The following MYH7B variants were observed in gnomAD, a reference collection of about 807,000 sequenced individuals.
MYH7B encodes the protein myosin heavy chain 7B.
MYH7B carries 205 observed loss-of-function variants against 234.5 expected under a neutral mutation model. The ratio of observed to expected loss-of-function variants is 0.87; its 90% confidence interval spans 0.78 to 0.98. The LOEUF (loss-of-function observed/expected upper bound fraction) is 0.98, where lower values mean the gene tolerates loss of function less well. Ranked by LOEUF, MYH7B falls within the 50% of genes least tolerant of loss-of-function variation. The pLI, the probability that MYH7B is intolerant of heterozygous loss-of-function variation, is 0.00. For missense variants in MYH7B, 2,652 were observed against 2,633.4 expected (o/e 1.01, Z -0.15); for synonymous variants, 1,193 against 1,105.0 (o/e 1.08, Z -1.58).
intron 2 of MYH7B, among the ~76,000 whole-genome samples, chr20:34,972,474 C>A (rs2081802210): frequency 1.3e-5 from 2 of 152,128 alleles, no homozygotes; most frequent in Non-Finnish European, 2.9e-5. Flanking sequence ...CATTACCCTC[C>A]AGGCCATACT....
chr20:34,978,145 T>C lies in MYH7B; in HGVS notation c.91+49T>C, dbSNP rs776419245. On this transcript the variant is annotated intron_variant, in intron 5 of 44. Coordinates refer to ENST00000262873, the Ensembl canonical transcript of MYH7B. Reference sequence around the variant, plus strand: ...GGTCATAGCCACAGAGATGCCCTTATGGACTCAGACCAGGAATTGGGAGGG... The same window carrying C: ...GGTCATAGCCACAGAGATGCCCTTACGGACTCAGACCAGGAATTGGGAGGG... 3.1e-6 allele frequency: 5 copies of C among 1,607,508 alleles called. No homozygotes were observed. In the Admixed American group the frequency reaches 6.7e-5, roughly 21 times the overall value.
At chr20:35,001,008 G>T (rs779594043) in exon 41 of MYH7B, 3 of 1,613,880 alleles carry the variant, frequency 1.9e-6, no homozygotes, top group Non-Finnish European at 2.5e-6. Flanking sequence ...TGGCCGAGGA[G>T]CTGAAGAAGG....
At chr20:34,972,472 T>G (rs2081802195) in intron 2 of MYH7B, among the ~76,000 whole-genome samples, 1 of 152,020 alleles carries the variant, frequency 6.6e-6, no homozygotes, top group African/African-American at 2.4e-5. Flanking sequence ...CCCATTACCC[T>G]CCAGGCCATA....
chr20:34,960,313 G>A (rs547719904), intron 2 of MYH7B, among the ~76,000 whole-genome samples: 28 of 152,130 alleles, frequency 1.8e-4, no homozygotes, highest in Non-Finnish European at 1.2e-4. Context: ...TTGGCTCACT[G>A]CAAGCTCCGC....
chr20:34,995,551 G>A (rs1172053249), exon 28 of MYH7B: 16 of 1,614,060 alleles, frequency 9.9e-6, no homozygotes, highest in Non-Finnish European at 1.4e-5. Context: ...CCAAAGCTGA[G>A]AAGGAGAAGC....
exon 18 of MYH7B, chr20:34,987,859 T>A: frequency 6.2e-7 from 1 of 1,612,710 alleles, no homozygotes; most frequent in Non-Finnish European, 8.5e-7. Context: ...GACACAAAGC[T>A]GCCCCGGCAG....
chr20:35,001,676 G>C, intron 43 of MYH7B, 150 bp downstream of exon 43: 1 of 810,150 alleles, frequency 1.2e-6, no homozygotes, highest in East Asian at 2.7e-5. Flanking sequence ...GGGGAGATCA[G>C]ACCTAGCTCC....
At chr20:34,987,284 G>C in exon 16 of MYH7B, 3 of 1,610,366 alleles carry the variant, frequency 1.9e-6, no homozygotes, top group Non-Finnish European at 2.5e-6. Flanking sequence ...CGATGGCACT[G>C]AGAGTGAGGG....
intron 2 of MYH7B, 42 bp from the exon 3 acceptor site, chr20:34,975,358 C>T: frequency 1.8e-6 from 1 of 568,392 alleles, no homozygotes; most frequent in Middle Eastern, 4.5e-4. Flanking sequence ...GTGCATGCCA[C>T]CATGCCTGGC....
At chr20:34,985,177 G>T in intron 13 of MYH7B, 48 bp downstream of exon 13, 1 of 1,573,704 alleles carries the variant, frequency 6.4e-7, no homozygotes, top group Non-Finnish European at 8.7e-7. Flanking sequence ...GCCTGAGCCC[G>T]GTCACCCCAA....
chr20:34,980,964 C>T, intron 8 of MYH7B, 69 bp from the exon 9 acceptor site: 1 of 1,605,300 alleles, frequency 6.2e-7, no homozygotes, highest in Non-Finnish European at 8.5e-7. Context: ...AGATGGATAC[C>T]CAGGGTGTTC....
At position 34,978,944 on chromosome 20, in the gene MYH7B, G is replaced by A. The variant is rs2081898375; in HGVS notation, c.92-446G>A. ...TGGGGACAGCTGGCCAGGCAGGAGA[G>A]CACAGGTTACAGTTAGGAGGCCTGG... On this transcript the variant is annotated intron_variant, in intron 5 of 44. Coordinates refer to ENST00000262873, the Ensembl canonical transcript of MYH7B. 4.6e-5 allele frequency among the ~76,000 whole-genome samples: 7 copies of A among 152,120 alleles called. No homozygotes were observed. In the South Asian group the frequency reaches 1.5e-3, roughly 32 times the overall value.
At position 34,999,656 on chromosome 20, in the gene MYH7B, C is replaced by T. The variant is rs76211559; in HGVS notation, c.4626C>T (p.Gly1542=). Residue 1542 remains glycine, a synonymous_variant, in exon 37 of 45, where the codon GGC becomes GGT. Coordinates refer to ENST00000262873, the Ensembl canonical transcript of MYH7B. Reference sequence around the variant, plus strand: ...AGAAAACCAAGAAGGCGCTGGAAGGCGAGAAGAGTGAGATCCAGGCTGCAC... The same window carrying T: ...AGAAAACCAAGAAGGCGCTGGAAGGTGAGAAGAGTGAGATCCAGGCTGCAC... 2,005 of 1,613,342 alleles carry T rather than the reference C, an allele frequency of 1.2e-3. 27 individuals carry two copies. In the African/African-American group the frequency reaches 0.024, roughly 19 times the overall value.
chr20:34,995,894 T>A (rs2082247225), intron 28 of MYH7B, among the ~76,000 whole-genome samples: 1 of 152,254 alleles, frequency 6.6e-6, no homozygotes, highest in Admixed American at 6.5e-5. Context: ...AGGAACTCCA[T>A]GTCCCCAGCT....
exon 45 of MYH7B, chr20:35,002,280 C>T: frequency 2.8e-6 from 4 of 1,419,988 alleles, no homozygotes; most frequent in Non-Finnish European, 3.8e-6. Flanking sequence ...CTGCATCGCC[C>T]CCTGCTGCCT....
chr20:34,979,038 G>A (rs2081899837), intron 5 of MYH7B, among the ~76,000 whole-genome samples: 1 of 152,154 alleles, frequency 6.6e-6, no homozygotes, highest in Non-Finnish European at 1.5e-5. Flanking sequence ...ATATTGAGGG[G>A]CTGCTCTGTA....
rs898300134 is a variant in MYH7B, at chr20:34,995,598, T to C, written c.2943+20T>C. 1 of 1,612,464 alleles carries C rather than the reference T, an allele frequency of 6.2e-7. No homozygotes were observed. On this transcript the variant is annotated intron_variant, in intron 28 of 44. Transcript: ENST00000262873. ...AACAAGGTGTGGGCCGGGCCAGCTG[T>C]GGGGAAGGGCCCTGAGCCAGGGGCC... is the stretch of plus-strand genomic sequence containing the variant.
intron 24 of MYH7B, among the ~76,000 whole-genome samples, chr20:34,991,827 C>T (rs766450634): frequency 1.3e-5 from 2 of 152,222 alleles, no homozygotes; most frequent in Non-Finnish European, 2.9e-5. Context: ...CACGCACACA[C>T]ACGCATGGTG....
rs769023082 is a variant in MYH7B at position 34,986,115 on chromosome 20, C to G, written c.821C>G (p.Ser274Trp). The G allele has an allele frequency of 2.5e-6, 4 of 1,586,632 alleles. No homozygotes were observed. In the African/African-American group the frequency reaches 4.0e-5, roughly 16 times the overall value. Reference sequence around the variant, plus strand: ...TTCTCCCCAGATCTCCTGGAGAAGTCGCGGGTGATCTTCCAGTTGCCTGGT... The same window carrying G: ...TTCTCCCCAGATCTCCTGGAGAAGTGGCGGGTGATCTTCCAGTTGCCTGGT... The change falls in exon 14 of 45, where the codon TCG (serine) becomes TGG (tryptophan). Residue 274 changes from serine (S) to tryptophan (W), a missense_variant. Transcript: ENST00000262873.
Sources: gnomAD v4.1 joint callset for allele counts (sites outside exome capture counted in the v4.1 genomes callset) on GRCh38, gnomAD v4.1.1 for gene constraint, MANE v1.5 for transcripts, NCBI Gene and HGNC (gene_info 2026-07-23, HGNC 2026-07-21) for gene names.